LRRK1: variants seen among roughly 807,000 people sequenced by gnomAD.
The protein encoded by LRRK1 is leucine rich repeat kinase 1.
A neutral mutation model predicts 209.1 loss-of-function variants in LRRK1; 113 were observed. The observed-to-expected ratio is 0.54, with a 90% CI of 0.46 to 0.63. The LOEUF (loss-of-function observed/expected upper bound fraction) is 0.63, where lower values mean the gene tolerates loss of function less well. Among genes scored for constraint, LRRK1 ranks in the 30% least tolerant of loss-of-function variants. The probability of loss-of-function intolerance (pLI) is 0.00; values close to 1 mark genes in which losing one functional copy is unlikely to be tolerated. For missense variants in LRRK1, 2,284 were observed against 2,632.2 expected (o/e 0.87, Z 2.89); for synonymous variants, 1,144 against 1,099.7 (o/e 1.04, Z -0.80).
chr15:101,048,394 C>A, intron 21 of LRRK1, 100 bp from the exon 22 acceptor site: 1 of 1,026,878 alleles, frequency 9.7e-7, no homozygotes, highest in Non-Finnish European at 1.4e-6. Context: ...AGATGGGGGA[C>A]ATTTATCAAG....
At chr15:100,956,455 C>CTTTTCTTTTTTT (rs2042760510) in intron 2 of LRRK1, among the ~76,000 whole-genome samples, 1 of 60,534 alleles carries the variant, frequency 1.7e-5, no homozygotes. Context: ...TTTTTTTTTT[C>CTTTTCTTTTTTT]TTTTTTTTTT....
intron 29 of LRRK1, 24 bp from the exon 30 acceptor site, chr15:101,061,147 C>G (rs2036151612): frequency 1.3e-6 from 2 of 1,570,252 alleles, no homozygotes; most frequent in Non-Finnish European, 1.7e-6. Flanking sequence ...CGGGCACTGA[C>G]AGCACAGTTT....
Position 101,022,501 on chromosome 15 carries a change from C to A in LRRK1, c.1971C>A (p.Ile657=), listed in dbSNP as rs781346039. 6.2e-7 allele frequency: 1 copy of A among 1,614,224 alleles called. No individual in the cohort carries two copies. The highest frequency in any genetic ancestry group is 8.5e-7 in the Non-Finnish European group (1 of 1,180,034). ...PRQGKSTLLE[I]LQTGRAPQVV... ...AGGGCAAGTCCACCCTCCTGGAGAT[C>A]TTACAGACGGGGAGGGCCCCCCAGG... Residue 657 remains isoleucine, a synonymous_variant, in exon 15 of 34, where the codon ATC becomes ATA. Transcript: ENST00000388948. The surrounding 1 kb of genome is among the most constrained non-coding windows in gnomAD (Gnocchi z 4.0).
Position 101,076,192 on chromosome 15 carries a change from GGCT to G in LRRK1, c.*7350_*7352del, listed in dbSNP as rs2036981286. ...CCTAGCCCTCATGTCTCTGTGCAGCGGCTGCTGCCACCCTAATACTTTTAGAGG... is the reference window on the plus strand; with the variant it reads ...CCTAGCCCTCATGTCTCTGTGCAGCGGCTGCCACCCTAATACTTTTAGAGG... On this transcript the variant is annotated 3_prime_UTR_variant, in exon 34 of 34. Transcript: ENST00000388948. The G allele has an allele frequency of 6.6e-6, 1 of 152,118 alleles. No homozygotes were observed. Among genetic ancestry groups the G allele is most frequent in the South Asian group, 2.1e-4 (1 of 4,820 alleles). 9.4% of individuals were successfully genotyped at this position (152,118 alleles called of 1,614,324 possible). A position where few individuals can be genotyped will look rare whatever the true frequency, so the allele number is the denominator to read the frequency against.
At chr15:100,978,789 C>T (rs2031440628) in intron 3 of LRRK1, among the ~76,000 whole-genome samples, 1 of 152,196 alleles carries the variant, frequency 6.6e-6, no homozygotes, top group South Asian at 2.1e-4. Context: ...TTTACAGGTT[C>T]AGATGGCTTC....
rs368567214 is a variant in LRRK1, at chr15:101,046,094, G to C, written c.3077G>C (p.Gly1026Ala). 1 of 1,614,114 alleles carries C rather than the reference G, an allele frequency of 6.2e-7. No homozygotes were observed. The highest frequency in any genetic ancestry group is 1.3e-5 in the African/African-American group (1 of 74,944). ...TTTAAGATGAGCTTCGTTCCCGTTG[G>C]CTTCTGGCAAAGGTTTATAGCACGG... ...RVFKMSFVPV[G>A]FWQRFIARML... Residue 1026 changes from glycine to alanine, a missense_variant, in exon 21 of 34, where the codon GGC becomes GCC. By Grantham distance (60) the Gly-to-Ala change is moderately conservative. Coordinates refer to ENST00000388948, the MANE Select transcript of LRRK1 (RefSeq NM_024652.6).
intron 17 of LRRK1, among the ~76,000 whole-genome samples, chr15:101,026,419 CTG>C (rs1297987270): frequency 6.6e-6 from 1 of 152,268 alleles, no homozygotes; most frequent in Non-Finnish European, 1.5e-5. Context: ...AACCAGGAGA[CTG>C]AACGTGGGCA....
Position 101,027,257 on chromosome 15 carries a change from A to G in LRRK1, c.2406-4A>G, listed in dbSNP as rs746002001. The G allele has an allele frequency of 1.3e-5, 21 of 1,613,894 alleles. No individual in the cohort carries two copies. The South Asian group carries it at 2.3e-4, about 18-fold the overall frequency. Reference sequence around the variant, plus strand: ...TGAGTAAAGACGGGTCTTTTTGCTCACAGTGAGATTTCCTGCAAGAGCCTG... The same window carrying G: ...TGAGTAAAGACGGGTCTTTTTGCTCGCAGTGAGATTTCCTGCAAGAGCCTG... On this transcript the variant is annotated splice_region_variant and splice_polypyrimidine_tract_variant and intron_variant, in intron 17 of 33. Coordinates refer to ENST00000388948, the MANE Select transcript of LRRK1 (RefSeq NM_024652.6). The surrounding 1 kb of genome is among the most constrained non-coding windows in gnomAD (Gnocchi z 5.1).
At chr15:101,050,393 TCCCAGAGCAG>T (rs2035347404) in intron 23 of LRRK1, among the ~76,000 whole-genome samples, 3 of 152,130 alleles carry the variant, frequency 2.0e-5, no homozygotes, top group Non-Finnish European at 4.4e-5. Context: ...TGGAGACGAC[TCCCAGAGCAG>T]CCTGCCAGGG....
Position 100,973,941 on chromosome 15 carries a change from G to T in LRRK1, c.235G>T (p.Asp79Tyr), listed in dbSNP as rs1456154770. 11 of 1,259,722 alleles carry T rather than the reference G, an allele frequency of 8.7e-6. No individual in the cohort carries two copies. The highest frequency in any genetic ancestry group is 3.1e-5 in the South Asian group (1 of 31,840). The allele number at this position is 1,259,722 out of a possible 1,614,324, so 78.0% of individuals were successfully genotyped here. ...GARDLLEEAC[D>Y]QCASQLEKGQ... Reference sequence around the variant, plus strand: ...CCGGGACCTGCTGGAGGAGGCCTGCGACCAGTGCGCGTCCCAGCTGGAAAA... The same window carrying T: ...CCGGGACCTGCTGGAGGAGGCCTGCTACCAGTGCGCGTCCCAGCTGGAAAA... The change falls in exon 3 of 34, where the codon GAC (aspartate) becomes TAC (tyrosine). Residue 79 changes from aspartate to tyrosine, a missense_variant. By Grantham distance (160) the Asp-to-Tyr change is radical (BLOSUM62 -3). This residue lies in a region of LRRK1 where 174 missense variants were observed against 133.5 expected (regional missense o/e 1.30). Coordinates refer to ENST00000388948, the MANE Select transcript of LRRK1 (RefSeq NM_024652.6).
At chr15:101,032,161 G>A (rs1318894730) in intron 20 of LRRK1, among the ~76,000 whole-genome samples, 1 of 152,200 alleles carries the variant, frequency 6.6e-6, no homozygotes, top group African/African-American at 2.4e-5. Context: ...CCTTTCGTGA[G>A]CTTATTGGCC....
chr15:100,950,886 G>T (rs376757988), intron 2 of LRRK1, among the ~76,000 whole-genome samples: 2 of 152,286 alleles, frequency 1.3e-5, no homozygotes, highest in African/African-American at 4.8e-5. Context: ...GGCAGATCAC[G>T]AGGTCAGGAG....
At position 101,068,889 on chromosome 15, in the gene LRRK1, C is replaced by T. The variant is rs1567295583; in HGVS notation, c.*41C>T. 7.2e-6 allele frequency: 11 copies of T among 1,536,264 alleles called. No homozygotes were observed. Among genetic ancestry groups the T allele is most frequent in the East Asian group, 4.6e-5 (2 of 43,264 alleles). On this transcript the variant is annotated 3_prime_UTR_variant, in exon 34 of 34. Coordinates refer to ENST00000388948, the MANE Select transcript of LRRK1 (RefSeq NM_024652.6). ...TGTCACACATCAGAGCTGGCTGGCC[C>T]GGGGCTGCAGCCTGACCCCTCTGCC...
intron 23 of LRRK1, among the ~76,000 whole-genome samples, chr15:101,051,177 G>C (rs2035410783): frequency 6.6e-6 from 1 of 152,236 alleles, no homozygotes; most frequent in Non-Finnish European, 1.5e-5. Context: ...CACCTCCACA[G>C]GGCATCTTGG....
chr15:101,041,648 T>C (rs1567256869), intron 20 of LRRK1, among the ~76,000 whole-genome samples: 1 of 152,162 alleles, frequency 6.6e-6, no homozygotes, highest in Non-Finnish European at 1.5e-5. Flanking sequence ...TACCAGGACA[T>C]TACTCCTCCC....
At chr15:100,920,833 TG>T (rs1224655655) in intron 1 of LRRK1, among the ~76,000 whole-genome samples, 2 of 152,088 alleles carry the variant, frequency 1.3e-5, no homozygotes. Flanking sequence ...TCCTTGCAAC[TG>T]GCACGCAATC....
Position 101,046,565 on chromosome 15 carries a change from A to G in LRRK1, c.3135+413A>G, listed in dbSNP as rs554828642. Among the ~76,000 whole-genome samples the G allele has an allele frequency of 6.6e-5, 10 of 152,328 alleles. No individual in the cohort carries two copies. The South Asian group carries it at 2.1e-3, about 32-fold the overall frequency. ...AGCAACCACACTTGGAGAACCGTGA[A>G]GTTAGAAGCACGGTTTTGCCGTCCT... is the stretch of plus-strand genomic sequence containing the variant. On this transcript the variant is annotated intron_variant, in intron 21 of 33. Transcript: ENST00000388948.
intron 2 of LRRK1, among the ~76,000 whole-genome samples, chr15:100,965,176 A>G (rs564939584): frequency 3.0e-4 from 46 of 152,340 alleles, no homozygotes; most frequent in African/African-American, 1.4e-4. Flanking sequence ...AAAGAAAAAT[A>G]ATTTCTGTTA....
At chr15:101,033,801 T>C (rs547399921) in intron 20 of LRRK1, among the ~76,000 whole-genome samples, 13 of 152,210 alleles carry the variant, frequency 8.5e-5, no homozygotes, top group Non-Finnish European at 1.3e-4. Context: ...ATTGCTGGAT[T>C]GTATGGTAGT....
Sources: allele counts gnomAD v4.1 joint callset (sites outside exome capture counted in the v4.1 genomes callset), GRCh38; gene constraint gnomAD v4.1.1; regional missense constraint gnomAD v4.1.1; non-coding constraint Gnocchi (gnomAD v3.1); transcripts MANE v1.5; gene names NCBI Gene and HGNC (gene_info 2026-07-23, HGNC 2026-07-21).